Variants in MCPH1 observed in about 807,000 individuals in gnomAD.
MCPH1 encodes microcephalin 1, also known as microcephalin.
Under a neutral mutation model 84.5 loss-of-function variants are expected in MCPH1, and 104 were observed. The ratio of observed to expected loss-of-function variants is 1.23; its 90% confidence interval spans 1.05 to 1.45. MCPH1 has a LOEUF of 1.45. Ranked by LOEUF, MCPH1 falls within the 40% of genes most tolerant of loss-of-function variation. The pLI, the probability that MCPH1 is intolerant of heterozygous loss-of-function variation, is 0.00. For synonymous variants in MCPH1, 514 were observed against 366.8 expected (o/e 1.40, Z -4.58); for missense variants, 1,498 against 1,005.7 (o/e 1.49, Z -6.62).
intron 12 of MCPH1, among the ~76,000 whole-genome samples, chr8:6,576,439 A>G (rs1235833664): frequency 6.6e-6 from 1 of 152,076 alleles, no homozygotes; most frequent in Non-Finnish European, 1.5e-5. Context: ...TTGAAGTATG[A>G]GGCCAGGCCT....
intron 3 of MCPH1, among the ~76,000 whole-genome samples, chr8:6,426,682 T>C (rs1380847866): frequency 6.6e-6 from 1 of 152,246 alleles, no homozygotes; most frequent in Non-Finnish European, 1.5e-5. Flanking sequence ...TCTTGGGTCA[T>C]TACCCAAACT....
chr8:6,610,311 T>C (rs1424018796), intron 12 of MCPH1, among the ~76,000 whole-genome samples: 2 of 152,232 alleles, frequency 1.3e-5, no homozygotes, highest in Non-Finnish European at 2.9e-5. Flanking sequence ...AAACTCTAAG[T>C]TACAATCAGG....
At chr8:6,415,477 C>T (rs943670594) in intron 3 of MCPH1, among the ~76,000 whole-genome samples, 1 of 151,858 alleles carries the variant, frequency 6.6e-6, no homozygotes, top group African/African-American at 2.4e-5. Flanking sequence ...CTTCTGCCTC[C>T]CGAGTAGCTG....
chr8:6,639,089 A>ACTTCT (rs1797755745), intron 13 of MCPH1, among the ~76,000 whole-genome samples: 3 of 152,202 alleles, frequency 2.0e-5, no homozygotes, highest in Admixed American at 2.0e-4. Context: ...CTCTGTTTAA[A>ACTTCT]GATCGATACT....
At chr8:6,634,601 A>G (rs1168223730) in intron 13 of MCPH1, among the ~76,000 whole-genome samples, 1 of 152,238 alleles carries the variant, frequency 6.6e-6, no homozygotes, top group Non-Finnish European at 1.5e-5. Context: ...TTACCAGTCC[A>G]TTATTATGCT....
At position 6,491,376 on chromosome 8, in the gene MCPH1, C is replaced by CTTT. The variant is rs34589854; in HGVS notation, c.2137-8461_2137-8459dup. On this transcript the variant is annotated intron_variant, in intron 11 of 13. Coordinates refer to ENST00000344683, the MANE Select transcript of MCPH1 (RefSeq NM_024596.5). The stretch of plus-strand genomic sequence containing the variant: ...CAGAAGTAGAGTCTATGGTTTCTTT[C>CTTT]TTTTTTTTTTTTTTTTTAGCTGCTA... Among the ~76,000 whole-genome samples the CTTT allele has an allele frequency of 1.4e-3, 179 of 128,128 alleles. 3 individuals are homozygous for CTTT. In the East Asian group the frequency reaches 0.034, roughly 25 times the overall value. The allele number at this position is 128,128 out of a possible 152,430, so 84.1% of individuals were successfully genotyped here.
intron 11 of MCPH1, among the ~76,000 whole-genome samples, chr8:6,485,881 C>G (rs1019392634): frequency 6.6e-6 from 1 of 152,114 alleles, no homozygotes; most frequent in African/African-American, 2.4e-5. Context: ...CGATGACTCT[C>G]GCTGGCACAA....
chr8:6,626,586 T>G lies in MCPH1; in HGVS notation c.2452+4895T>G, dbSNP rs189544704. 8.6e-4 allele frequency: 844 copies of G among 985,092 alleles called. 6 individuals are homozygous for G. The highest frequency in any genetic ancestry group is 1.5e-3 in the Admixed American group (25 of 16,230). The allele number at this position is 985,092 out of a possible 1,614,324, so 61.0% of individuals were successfully genotyped here. A position where few individuals can be genotyped will look rare whatever the true frequency, so the allele number is the denominator to read the frequency against. ...TTCCCGGCCCTAGGAAATAAAATGTTACCTTTACCTGATATTGATAATACA... is the reference window on the plus strand; with the variant it reads ...TTCCCGGCCCTAGGAAATAAAATGTGACCTTTACCTGATATTGATAATACA... On this transcript the variant is annotated intron_variant, in intron 13 of 13. Coordinates refer to ENST00000344683, the MANE Select transcript of MCPH1 (RefSeq NM_024596.5).
intron 12 of MCPH1, chr8:6,562,822 T>C: frequency 6.2e-7 from 1 of 1,613,652 alleles, no homozygotes; most frequent in East Asian, 2.2e-5. Flanking sequence ...GCAGGACCCA[T>C]GCTGGACCTG....
rs553785286 is a variant in MCPH1, at chr8:6,642,665, G to A, written c.2453-329G>A. ...GGTGAGCTAAGATTAGAAATTCTTG[G>A]CTCCTATGTCACAGACTGGCAAGCT... On this transcript the variant is annotated intron_variant, in intron 13 of 13. Transcript: ENST00000344683. 6.4e-5 allele frequency: 27 copies of A among 420,852 alleles called. 1 individual carries two copies. Among genetic ancestry groups the A allele is most frequent in the South Asian group, 5.7e-4 (26 of 45,376 alleles). The allele number at this position is 420,852 out of a possible 1,614,324, so 26.1% of individuals were successfully genotyped here. A position where few individuals can be genotyped will look rare whatever the true frequency, so the allele number is the denominator to read the frequency against.
At chr8:6,516,626 T>C (rs1816323444) in intron 12 of MCPH1, among the ~76,000 whole-genome samples, 1 of 152,214 alleles carries the variant, frequency 6.6e-6, no homozygotes, top group Non-Finnish European at 1.5e-5. Context: ...TTTTTAAAAA[T>C]CTATTTCATA....
At chr8:6,532,596 ATC>A in intron 12 of MCPH1, 11 of 775,538 alleles carry the variant, frequency 1.4e-5, no homozygotes, top group Non-Finnish European at 2.0e-5. Flanking sequence ...AAAAAAATCT[ATC>A]AAAAGACTTG....
At chr8:6,470,927 T>G (rs1807637236) in intron 9 of MCPH1, among the ~76,000 whole-genome samples, 1 of 152,238 alleles carries the variant, frequency 6.6e-6, no homozygotes, top group African/African-American at 2.4e-5. Context: ...CAGTTAGCAA[T>G]TAGGAAAGTC....
intron 12 of MCPH1, chr8:6,616,854 T>C (rs1830842846): frequency 6.6e-6 from 1 of 152,176 alleles, no homozygotes; most frequent in Non-Finnish European, 1.5e-5. Context: ...AATCCCCTCT[T>C]CTTTCATGAT....
intron 12 of MCPH1, among the ~76,000 whole-genome samples, chr8:6,517,622 G>T (rs946053358): frequency 6.6e-6 from 1 of 152,222 alleles, no homozygotes; most frequent in African/African-American, 2.4e-5. Flanking sequence ...AGTCTTTGAA[G>T]GCAGTGAAAA....
chr8:6,484,337 A>G (rs140511157), intron 11 of MCPH1, among the ~76,000 whole-genome samples: 1 of 152,358 alleles, frequency 6.6e-6, no homozygotes, highest in African/African-American at 2.4e-5. Flanking sequence ...CTTCAGAAAT[A>G]TAGTGAGATC....
chr8:6,454,816 C>T (rs1805503250), intron 8 of MCPH1, among the ~76,000 whole-genome samples: 2 of 152,158 alleles, frequency 1.3e-5, no homozygotes, highest in South Asian at 4.1e-4. Context: ...TGTTCTTTGT[C>T]ATTATTTTAA....
In MCPH1 at chr8:6,426,492, A is replaced by G. The variant is rs557060400; in HGVS notation, c.234-5007A>G. On this transcript the variant is annotated intron_variant, in intron 3 of 13. Coordinates refer to ENST00000344683, the MANE Select transcript of MCPH1 (RefSeq NM_024596.5). The stretch of plus-strand genomic sequence containing the variant: ...CATCACTGAAGGTGATGTTTTTGCG[A>G]TCTGTCCGTGTTGTTTGTAGCAGTG... Among the ~76,000 whole-genome samples, 7 of 152,328 alleles carry G rather than the reference A, an allele frequency of 4.6e-5. No individual in the cohort carries two copies. In the East Asian group the frequency reaches 1.4e-3, roughly 29 times the overall value.
chr8:6,418,384 T>C (rs1342916270), intron 3 of MCPH1, among the ~76,000 whole-genome samples: 1 of 152,178 alleles, frequency 6.6e-6, no homozygotes, highest in Non-Finnish European at 1.5e-5. Context: ...AGCTCTCACA[T>C]AGTTGGTTTA....
Sources: gnomAD v4.1 joint callset for allele counts (sites outside exome capture counted in the v4.1 genomes callset) on GRCh38, gnomAD v4.1.1 for gene constraint, MANE v1.5 for transcripts, NCBI Gene and HGNC (gene_info 2026-07-23, HGNC 2026-07-21) for gene names.